Variants in ARID1B observed in about 807,000 individuals in gnomAD.
ARID1B encodes AT-rich interaction domain 1B.
ARID1B carries 30 observed loss-of-function variants against 212.3 expected under a neutral mutation model. That is an observed-to-expected ratio of 0.14 (90% CI 0.11 to 0.19). The LOEUF (loss-of-function observed/expected upper bound fraction) is 0.19. ARID1B is among the 10% of genes least tolerant of loss of function. The pLI is 1.00. For synonymous variants in ARID1B, 1,402 were observed against 1,301.7 expected (o/e 1.08, Z -1.66); for missense variants, 2,891 against 3,204.0 (o/e 0.90, Z 2.36).
At chr6:156,975,888 G>C (rs1777207450) in intron 4 of ARID1B, among the ~76,000 whole-genome samples, 2 of 152,102 alleles carry the variant, frequency 1.3e-5, no homozygotes, top group South Asian at 4.1e-4. Flanking sequence ...AGTCCGAAGA[G>C]TCAGCAAAGG....
At chr6:156,790,012 G>A (rs188911652) in intron 1 of ARID1B, among the ~76,000 whole-genome samples, 13 of 152,228 alleles carry the variant, frequency 8.5e-5, no homozygotes, top group African/African-American at 2.4e-4. Context: ...GCAGCCTATC[G>A]GTCTTTCAGA....
chr6:156,889,757 G>A (rs1787782065), intron 2 of ARID1B, among the ~76,000 whole-genome samples: 1 of 152,140 alleles, frequency 6.6e-6, no homozygotes, highest in African/African-American at 2.4e-5. Flanking sequence ...GATAGGCAAA[G>A]GAAAAGAATC....
intron 4 of ARID1B, among the ~76,000 whole-genome samples, chr6:157,081,428 C>T (rs898096606): frequency 6.6e-6 from 1 of 152,148 alleles, no homozygotes; most frequent in Non-Finnish European, 1.5e-5. Flanking sequence ...CATACAGATA[C>T]CCTAACAATC....
rs189138000 is a variant in ARID1B at position 157,021,744 on chromosome 6, C to T, written c.2248-62918C>T. Among the ~76,000 whole-genome samples, 807 of 152,188 alleles carry T rather than the reference C, an allele frequency of 5.3e-3. 7 individuals are homozygous for T. Among genetic ancestry groups the T allele is most frequent in the African/African-American group, 0.019 (777 of 41,534 alleles). On this transcript the variant is annotated intron_variant, in intron 4 of 19. Coordinates refer to ENST00000636930, the MANE Select transcript of ARID1B (RefSeq NM_001374828.1). ...CGTCCGCCCCGCGCGCCCGCAGGCTCCTCCTGGAGGCGGGAGGCGGCGGCC... is the reference window on the plus strand; with the variant it reads ...CGTCCGCCCCGCGCGCCCGCAGGCTTCTCCTGGAGGCGGGAGGCGGCGGCC...
chr6:156,838,416 G>A (rs887927445), intron 2 of ARID1B, among the ~76,000 whole-genome samples: 1 of 152,160 alleles, frequency 6.6e-6, no homozygotes, highest in African/African-American at 2.4e-5. Context: ...GGAGACAAAC[G>A]TCTTTTGGAA....
chr6:156,869,201 C>T (rs964418503), intron 2 of ARID1B, among the ~76,000 whole-genome samples: 6 of 152,104 alleles, frequency 3.9e-5, no homozygotes, highest in Admixed American at 3.9e-4. Context: ...TCAGAAGAGG[C>T]CAAATTTTCA....
intron 4 of ARID1B, among the ~76,000 whole-genome samples, chr6:157,026,381 A>G (rs1002598274): frequency 6.6e-6 from 1 of 152,250 alleles, no homozygotes; most frequent in African/African-American, 2.4e-5. Flanking sequence ...CTGTAATCAT[A>G]TATCAATCGT....
intron 2 of ARID1B, among the ~76,000 whole-genome samples, chr6:156,840,856 C>G (rs1318962091): frequency 2.0e-5 from 3 of 152,186 alleles, no homozygotes; most frequent in Non-Finnish European, 4.4e-5. Flanking sequence ...ATGGCTGCTA[C>G]TCTGCTCTAA....
chr6:156,978,247 C>T (rs142453849), intron 4 of ARID1B, among the ~76,000 whole-genome samples: 292 of 152,304 alleles, frequency 1.9e-3, no homozygotes, highest in African/African-American at 6.7e-3. Flanking sequence ...AGCACCTTGG[C>T]CTGGAAATGT....
Position 156,778,035 on chromosome 6 carries a change from T to C in ARID1B, c.355T>C (p.Ser119Pro), listed in dbSNP as rs1778765081. Residue 119 changes from serine to proline, a missense_variant, in exon 1 of 20, where the codon TCC becomes CCC. Physicochemically the swap from Ser to Pro is moderately conservative, Grantham distance 74. Around this residue, in one of 7 missense-constraint regions of ARID1B, gnomAD observed 1,643 missense variants for 1,544.0 expected, o/e 1.06. Coordinates refer to ENST00000636930, the MANE Select transcript of ARID1B (RefSeq NM_001374828.1). ...GGGTGGAAGCGCCGCCGCGCTGTCC[T>C]CCTCCTCCTCCTCCTCCGCGGCGGC... The part of the protein sequence containing the change: ...KEGGSAAALS[S>P]SSSSSAAAAA... 1 of 1,528,170 alleles carries C rather than the reference T, an allele frequency of 6.5e-7. No individual in the cohort carries two copies. The allele number at this position is 1,528,170 out of a possible 1,614,324, so 94.7% of individuals were successfully genotyped here. A position where few individuals can be genotyped will look rare whatever the true frequency, so the allele number is the denominator to read the frequency against.
intron 1 of ARID1B, among the ~76,000 whole-genome samples, chr6:156,823,440 C>G (rs1782512484): frequency 6.6e-6 from 1 of 152,194 alleles, no homozygotes; most frequent in South Asian, 2.1e-4. Context: ...AGAGCCCCTA[C>G]TTCCTTGCTG....
intron 3 of ARID1B, among the ~76,000 whole-genome samples, chr6:156,905,365 C>T (rs890140069): frequency 1.1e-4 from 16 of 151,910 alleles, no homozygotes; most frequent in Admixed American, 7.9e-4. Flanking sequence ...GGTGGTAAGC[C>T]GATGGTCTGA....
At chr6:156,991,463 C>T (rs906170769) in intron 4 of ARID1B, among the ~76,000 whole-genome samples, 3 of 152,058 alleles carry the variant, frequency 2.0e-5, no homozygotes, top group Non-Finnish European at 2.9e-5. Flanking sequence ...AACTCTTGAC[C>T]TCAGGTGATC....
At chr6:157,059,826 A>C (rs1041525578) in intron 4 of ARID1B, among the ~76,000 whole-genome samples, 1 of 152,208 alleles carries the variant, frequency 6.6e-6, no homozygotes, top group Admixed American at 6.5e-5. Flanking sequence ...CAGAATTTAC[A>C]AAATGCTTTC....
intron 18 of ARID1B, among the ~76,000 whole-genome samples, chr6:157,202,444 G>A (rs1794171548): frequency 6.6e-6 from 1 of 152,130 alleles, no homozygotes; most frequent in Admixed American, 6.5e-5. Context: ...GATGTAGATT[G>A]AGAGACCAGG....
At chr6:156,996,943 T>C (rs1229875511) in intron 4 of ARID1B, among the ~76,000 whole-genome samples, 3 of 152,128 alleles carry the variant, frequency 2.0e-5, no homozygotes, top group East Asian at 3.9e-4. Flanking sequence ...TGAGAAAATA[T>C]GATATTTGAT....
chr6:156,859,936 T>C (rs1184063923), intron 2 of ARID1B, among the ~76,000 whole-genome samples: 5 of 152,200 alleles, frequency 3.3e-5, no homozygotes, highest in Admixed American at 2.6e-4. Flanking sequence ...CATTTGGTCT[T>C]GTCCTTATTT....
intron 2 of ARID1B, among the ~76,000 whole-genome samples, chr6:156,834,068 G>A (rs1253255332): frequency 6.6e-6 from 1 of 152,150 alleles, no homozygotes; most frequent in Non-Finnish European, 1.5e-5. Flanking sequence ...GGAAAAAAAT[G>A]TGTTTCTTTT....
intron 14 of ARID1B, 48 bp from the exon 15 acceptor site, chr6:157,189,990 G>T (rs1342534338): frequency 6.2e-7 from 1 of 1,603,200 alleles, no homozygotes; most frequent in African/African-American, 1.3e-5. Context: ...ACTGTTTGGA[G>T]GTAACTCCTG....
Sources: allele counts gnomAD v4.1 joint callset (sites outside exome capture counted in the v4.1 genomes callset), GRCh38; gene constraint gnomAD v4.1.1; regional missense constraint gnomAD v4.1.1; transcripts MANE v1.5; gene names NCBI Gene and HGNC (gene_info 2026-07-23, HGNC 2026-07-21).